The following ADARB2 variants were observed in gnomAD, a reference collection of about 807,000 sequenced individuals.
ADARB2 encodes the protein adenosine deaminase RNA specific B2 (inactive).
Under a neutral mutation model 62.2 loss-of-function variants are expected in ADARB2, and 25 were observed. The observed-to-expected ratio is 0.40, with a 90% CI of 0.29 to 0.56. ADARB2 has a LOEUF of 0.56. ADARB2 is among the 20% of genes least tolerant of loss of function. The pLI, the probability that ADARB2 is intolerant of heterozygous loss-of-function variation, is 0.43. For synonymous variants in ADARB2, 572 were observed against 500.8 expected (o/e 1.14, Z -1.90); for missense variants, 1,071 against 1,077.4 (o/e 0.99, Z 0.08).
In ADARB2 at chr10:1,398,680, C is replaced by T. The variant is rs754191123; in HGVS notation, c.101-19520G>A. The stretch of plus-strand genomic sequence containing the variant: ...TTGATCAATATAAATAAAGTTTTAA[C>T]GGTGGAATTTCAGGTATCAGCATAG... On this transcript the variant is annotated intron_variant, in intron 1 of 9. Transcript: ENST00000381312. This position sits in a 1 kb window ranked among gnomAD's most constrained non-coding sequence, Gnocchi z 4.1. Among the ~76,000 whole-genome samples the T allele has an allele frequency of 5.3e-5, 8 of 152,162 alleles. No individual in the cohort carries two copies. Among genetic ancestry groups the T allele is most frequent in the South Asian group, 4.1e-4 (2 of 4,828 alleles).
chr10:1,696,449 G>GT (rs546510991), intron 1 of ADARB2, among the ~76,000 whole-genome samples: 8 of 152,274 alleles, frequency 5.3e-5, no homozygotes, highest in South Asian at 4.2e-4. Flanking sequence ...GATTTCTCCT[G>GT]TTTTTTTACT....
chr10:1,665,550 C>T (rs1003505849), intron 1 of ADARB2, among the ~76,000 whole-genome samples: 1 of 152,256 alleles, frequency 6.6e-6, no homozygotes, highest in African/African-American at 2.4e-5. Flanking sequence ...GGTGCATAGA[C>T]AGTGCTAGGC....
intron 5 of ADARB2, among the ~76,000 whole-genome samples, chr10:1,239,844 GCCTCCCGGTGTTTACTCCCCTCTC>G (rs1830891260): frequency 4.6e-4 from 1 of 2,172 alleles, no homozygotes. Context: ...ACTCCCCCCT[GCCTCCCGGTGTTTACTCCCCTCTC>G]CCTCCCGGTG....
chr10:1,226,068 T>A (rs1011020511), intron 6 of ADARB2, among the ~76,000 whole-genome samples: 2 of 152,252 alleles, frequency 1.3e-5, no homozygotes, highest in Non-Finnish European at 2.9e-5. Context: ...AGATTTGGTC[T>A]TTCCACATAG....
At chr10:1,557,919 C>A (rs949905295) in intron 1 of ADARB2, among the ~76,000 whole-genome samples, 12 of 128,544 alleles carry the variant, frequency 9.3e-5, no homozygotes, top group Non-Finnish European at 1.7e-4. Flanking sequence ...CAGAGGGAGA[C>A]CCTATCTAAA....
chr10:1,431,001 T>C (rs1335694082), intron 1 of ADARB2, among the ~76,000 whole-genome samples: 1 of 152,190 alleles, frequency 6.6e-6, no homozygotes, highest in Non-Finnish European at 1.5e-5. Flanking sequence ...CAGTAATTGA[T>C]AGAACTCCTA....
intron 1 of ADARB2, among the ~76,000 whole-genome samples, chr10:1,720,459 C>T (rs910701159): frequency 2.0e-5 from 3 of 152,126 alleles, no homozygotes; most frequent in African/African-American, 2.4e-5. Context: ...CAAACCTCAG[C>T]GACACCCAAT....
At chr10:1,432,387 A>G (rs1205680712) in intron 1 of ADARB2, among the ~76,000 whole-genome samples, 1 of 152,044 alleles carries the variant, frequency 6.6e-6, no homozygotes, top group Admixed American at 6.5e-5. Context: ...GCTAGAGGAA[A>G]AAGTAAATAT....
intron 1 of ADARB2, among the ~76,000 whole-genome samples, chr10:1,686,955 T>C (rs1391303201): frequency 6.6e-6 from 1 of 151,964 alleles, no homozygotes; most frequent in African/African-American, 2.4e-5. Context: ...TTGTATCCTA[T>C]GGCCTACTTC....
intron 3 of ADARB2, among the ~76,000 whole-genome samples, chr10:1,279,985 A>G (rs1831355911): frequency 6.6e-6 from 1 of 152,126 alleles, no homozygotes; most frequent in Non-Finnish European, 1.5e-5. Flanking sequence ...GGCTGTTGGG[A>G]TGGGATGAGT....
intron 1 of ADARB2, among the ~76,000 whole-genome samples, chr10:1,555,453 G>T (rs905141413): frequency 6.6e-6 from 1 of 152,206 alleles, no homozygotes; most frequent in Middle Eastern, 3.2e-3. Context: ...CTTCGTAAGA[G>T]AAGTGGGGGC....
chr10:1,725,457 G>A (rs1304447134), intron 1 of ADARB2, among the ~76,000 whole-genome samples: 1 of 152,154 alleles, frequency 6.6e-6, no homozygotes, highest in Admixed American at 6.5e-5. Context: ...AAAAACACTC[G>A]CAAGTGAGTC....
chr10:1,429,914 C>T (rs982103160), intron 1 of ADARB2, among the ~76,000 whole-genome samples: 9 of 152,040 alleles, frequency 5.9e-5, no homozygotes, highest in Non-Finnish European at 1.2e-4. Context: ...TTGTTGCTAG[C>T]AAAACCACTC....
chr10:1,567,511 C>T lies in ADARB2; in HGVS notation c.100+169540G>A, dbSNP rs113959757. Among the ~76,000 whole-genome samples, 344 of 152,202 alleles carry T rather than the reference C, an allele frequency of 2.3e-3. 3 individuals carry two copies. The highest frequency in any genetic ancestry group is 7.8e-3 in the African/African-American group (323 of 41,512). On this transcript the variant is annotated intron_variant, in intron 1 of 9. Coordinates refer to ENST00000381312, the MANE Select transcript of ADARB2 (RefSeq NM_018702.4). ...GGCCACAATCCTTCCATCAATCTGT[C>T]GGGACCCAAAGCAAACTGCCCCCAC... is the stretch of plus-strand genomic sequence containing the variant.
At chr10:1,706,847 T>C (rs1834895570) in intron 1 of ADARB2, among the ~76,000 whole-genome samples, 2 of 151,446 alleles carry the variant, frequency 1.3e-5, no homozygotes, top group Non-Finnish European at 2.9e-5. Flanking sequence ...CACCCTCCAC[T>C]GAGGACAACC....
At chr10:1,470,199 C>A (rs574625771) in intron 1 of ADARB2, among the ~76,000 whole-genome samples, 1 of 152,062 alleles carries the variant, frequency 6.6e-6, no homozygotes, top group African/African-American at 2.4e-5. Context: ...CTTACACACC[C>A]ATTTCTGCTC....
In ADARB2 at chr10:1,682,258, T is replaced by G. The variant is rs377378796; in HGVS notation, c.100+54793A>C. 1.8e-3 allele frequency among the ~76,000 whole-genome samples: 276 copies of G among 152,230 alleles called. 4 individuals are homozygous for G. The South Asian group carries it at 0.02, about 11-fold the overall frequency. On this transcript the variant is annotated intron_variant, in intron 1 of 9. Transcript: ENST00000381312. Reference sequence around the variant, plus strand: ...GAGGCCTCAGCACGAAGCCAGCAGCTCATCCACAAGCTCAGATGCAAAGGA... The same window carrying G: ...GAGGCCTCAGCACGAAGCCAGCAGCGCATCCACAAGCTCAGATGCAAAGGA...
chr10:1,596,396 C>T (rs1048501234), intron 1 of ADARB2, among the ~76,000 whole-genome samples: 2 of 152,206 alleles, frequency 1.3e-5, no homozygotes, highest in African/African-American at 4.8e-5. Context: ...TCCCTGTAAG[C>T]ATTACTGCTC....
At chr10:1,459,330 C>T (rs957622209) in intron 1 of ADARB2, among the ~76,000 whole-genome samples, 22 of 152,188 alleles carry the variant, frequency 1.4e-4, no homozygotes, top group Admixed American at 3.3e-4. Flanking sequence ...TACACCATGG[C>T]GTACTATGCA....
Sources: gnomAD v4.1 joint callset for allele counts (sites outside exome capture counted in the v4.1 genomes callset) on GRCh38, gnomAD v4.1.1 for gene constraint, Gnocchi (gnomAD v3.1) non-coding constraint, MANE v1.5 for transcripts, NCBI Gene and HGNC (gene_info 2026-07-23, HGNC 2026-07-21) for gene names.